The following BLOC1S5 variants were observed in gnomAD, a reference collection of about 807,000 sequenced individuals.
BLOC1S5 encodes biogenesis of lysosome-related organelles complex 1 subunit 5.
BLOC1S5 carries 27 observed loss-of-function variants against 24.3 expected under a neutral mutation model. That is an observed-to-expected ratio of 1.11 (90% confidence interval 0.82 to 1.53). BLOC1S5 has a LOEUF of 1.53. BLOC1S5 is among the 40% of genes most tolerant of loss of function. BLOC1S5 has a pLI of 0.00. For missense variants in BLOC1S5, 239 were observed against 229.4 expected (o/e 1.04, Z -0.27); for synonymous variants, 84 against 74.5 (o/e 1.13, Z -0.66).
At chr6:8,019,344 C>A (rs1414908211) in intron 4 of BLOC1S5, among the ~76,000 whole-genome samples, 1 of 151,286 alleles carries the variant, frequency 6.6e-6, no homozygotes, top group African/African-American at 2.4e-5. Context: ...TCTTAGCTCA[C>A]TGCAACCTCT....
chr6:8,037,310 T>C (rs944895554), intron 3 of BLOC1S5, among the ~76,000 whole-genome samples: 2 of 152,168 alleles, frequency 1.3e-5, no homozygotes, highest in Non-Finnish European at 2.9e-5. Context: ...ACAAAATCCA[T>C]AGCATTTATA....
Position 8,049,128 on chromosome 6 carries a change from T to C in BLOC1S5, c.196-7860A>G, listed in dbSNP as rs181351676. On this transcript the variant is annotated intron_variant, in intron 2 of 4. Coordinates refer to ENST00000397457, the MANE Select transcript of BLOC1S5 (RefSeq NM_201280.3). ...GTTCATGCCTGTAATCCCAGCACTT[T>C]GGGAGGCCGAGATGGGCAGATCACA... Among the ~76,000 whole-genome samples, 494 of 150,846 alleles carry C rather than the reference T, an allele frequency of 3.3e-3. 2 individuals carry two copies. The highest frequency in any genetic ancestry group is 0.03 in the East Asian group (151 of 5,096).
chr6:8,052,242 C>T (rs1764136497), intron 2 of BLOC1S5, among the ~76,000 whole-genome samples: 1 of 152,142 alleles, frequency 6.6e-6, no homozygotes, highest in African/African-American at 2.4e-5. Flanking sequence ...GCTGGGATTA[C>T]AGGCGTGAGC....
At chr6:8,049,369 C>T (rs1284835835) in intron 2 of BLOC1S5, among the ~76,000 whole-genome samples, 1 of 111,348 alleles carries the variant, frequency 9.0e-6, no homozygotes, top group Non-Finnish European at 1.9e-5. Flanking sequence ...AAGACTTCGT[C>T]TCAAAAAAAA....
At chr6:8,058,365 A>AAAG (rs1764391455) in intron 2 of BLOC1S5, among the ~76,000 whole-genome samples, 2 of 49,182 alleles carry the variant, frequency 4.1e-5, no homozygotes, top group African/African-American at 4.8e-4. Flanking sequence ...ATGAAAAAAA[A>AAAG]AAAAAAAAAA....
Position 8,064,335 on chromosome 6 carries a change from G to C in BLOC1S5, c.42C>G (p.Ala14=), listed in dbSNP as rs751305231. 2 of 1,612,948 alleles carry C rather than the reference G, an allele frequency of 1.2e-6. No individual in the cohort carries two copies. The highest frequency in any genetic ancestry group is 2.2e-5 in the East Asian group (1 of 44,858). The change falls in exon 1 of 5, where the codon GCC becomes GCG. Residue 14 remains alanine, a synonymous_variant. Coordinates refer to ENST00000397457, the MANE Select transcript of BLOC1S5 (RefSeq NM_201280.3). ...TCTTCTTGCTGCCACCGCCCGGGGC[G>C]GCCTCACAACCCACAGGGGTCTCTG... ...GGTETPVGCE[A]APGGGSKKRD... is the part of the protein sequence containing the mutation.
At chr6:8,038,806 T>A (rs929923182) in intron 3 of BLOC1S5, among the ~76,000 whole-genome samples, 3 of 152,140 alleles carry the variant, frequency 2.0e-5, no homozygotes, top group Non-Finnish European at 2.9e-5. Flanking sequence ...ATTAAAAAGA[T>A]GAAGAATAAT....
chr6:8,029,031 T>A (rs1310377332), intron 3 of BLOC1S5, among the ~76,000 whole-genome samples: 1 of 152,174 alleles, frequency 6.6e-6, no homozygotes, highest in African/African-American at 2.4e-5. Flanking sequence ...TCAAGTAGAT[T>A]TGTGCCGCAT....
intron 2 of BLOC1S5, among the ~76,000 whole-genome samples, chr6:8,055,855 A>T (rs971776990): frequency 2.0e-5 from 3 of 152,056 alleles, no homozygotes; most frequent in African/African-American, 7.2e-5. Flanking sequence ...CAAATGGCCC[A>T]CTGCTATAGT....
chr6:8,040,559 G>A (rs1763642197), intron 3 of BLOC1S5, among the ~76,000 whole-genome samples: 1 of 152,172 alleles, frequency 6.6e-6, no homozygotes, highest in South Asian at 2.1e-4. Context: ...ACAGATTGTA[G>A]TCAAGAACCG....
chr6:8,054,167 T>C, intron 2 of BLOC1S5: 1 of 392,108 alleles, frequency 2.6e-6, no homozygotes, highest in South Asian at 1.9e-5. Context: ...TTTCCCAGCT[T>C]TTCCCTCCTT....
chr6:8,063,075 C>T (rs1757321512), intron 1 of BLOC1S5, among the ~76,000 whole-genome samples: 1 of 151,742 alleles, frequency 6.6e-6, no homozygotes, highest in Non-Finnish European at 1.5e-5. Flanking sequence ...AATAAAAAAG[C>T]AAGTTTCAGA....
intron 2 of BLOC1S5, among the ~76,000 whole-genome samples, chr6:8,060,827 CTTT>C (rs1036556703): frequency 3.3e-5 from 5 of 152,120 alleles, no homozygotes; most frequent in African/African-American, 1.2e-4. Context: ...CCACTTTCTT[CTTT>C]TTTTATTTTT....
chr6:8,021,099 G>A lies in BLOC1S5; in HGVS notation c.384+5268C>T, dbSNP rs144500839. 2.8e-3 allele frequency among the ~76,000 whole-genome samples: 423 copies of A among 152,236 alleles called. 11 individuals carry two copies. The highest frequency in any genetic ancestry group is 0.024 in the Admixed American group (371 of 15,286). ...AGAAGAAAATTCTGACACATGCTAC[G>A]GCATGGACGAATCTCGATGACATTA... On this transcript the variant is annotated intron_variant, in intron 4 of 4. Transcript: ENST00000397457.
At position 8,015,785 on chromosome 6, in the gene BLOC1S5, A is replaced by G; in HGVS notation, c.428T>C (p.Leu143Pro). ...CTCCTTCATGAAGTTGTCCCACTGG[A>G]GCATATGCTGTTTCTCACTAGCTAC... The part of the protein sequence containing the change: ...HLVASEKQHM[L>P]QWDNFMKEQP... Residue 143 changes from leucine (L) to proline (P), a missense_variant, in exon 5 of 5, where the codon CTC (leucine) becomes CCC (proline). Coordinates refer to ENST00000397457, the MANE Select transcript of BLOC1S5 (RefSeq NM_201280.3). 2 of 1,614,008 alleles carry G rather than the reference A, an allele frequency of 1.2e-6. No individual in the cohort carries two copies. The highest frequency in any genetic ancestry group is 1.7e-6 in the Non-Finnish European group (2 of 1,180,000).
intron 2 of BLOC1S5, among the ~76,000 whole-genome samples, chr6:8,049,371 C>CAAA (rs386406082): frequency 0.044 from 6,332 of 143,758 alleles, 451 homozygotes; most frequent in African/African-American, 0.15. Context: ...GACTTCGTCT[C>CAAA]AAAAAAAAAA....
At chr6:8,035,266 C>T (rs1345351541) in intron 3 of BLOC1S5, among the ~76,000 whole-genome samples, 1 of 151,640 alleles carries the variant, frequency 6.6e-6, no homozygotes, top group Non-Finnish European at 1.5e-5. Flanking sequence ...TCAGAAATCA[C>T]CACTTAAGAA....
chr6:8,052,218 C>T (rs1425748794), intron 2 of BLOC1S5, among the ~76,000 whole-genome samples: 3 of 152,030 alleles, frequency 2.0e-5, no homozygotes, highest in Non-Finnish European at 2.9e-5. Flanking sequence ...CCACCCGCCT[C>T]GGCCTCCCAA....
At chr6:8,058,144 C>T (rs1314898372) in intron 2 of BLOC1S5, among the ~76,000 whole-genome samples, 1 of 152,038 alleles carries the variant, frequency 6.6e-6, no homozygotes, top group Non-Finnish European at 1.5e-5. Flanking sequence ...GGTAACATGC[C>T]TATAACAGAG....
Sources: allele counts gnomAD v4.1 joint callset (sites outside exome capture counted in the v4.1 genomes callset), GRCh38; gene constraint gnomAD v4.1.1; transcripts MANE v1.5; gene names NCBI Gene and HGNC (gene_info 2026-07-23, HGNC 2026-07-21).